XRCC4: variants seen among roughly 807,000 people sequenced by gnomAD.
XRCC4 encodes the protein X-ray repair cross complementing 4, also known as DNA repair protein XRCC4.
A neutral mutation model predicts 39.1 loss-of-function variants in XRCC4; 28 were observed. The ratio of observed to expected loss-of-function variants is 0.72; its 90% confidence interval spans 0.53 to 0.98. The LOEUF is 0.98. Ranked by LOEUF, XRCC4 falls within the 50% of genes least tolerant of loss-of-function variation. The pLI is 0.00. For missense variants in XRCC4, 350 were observed against 376.4 expected, an observed-to-expected ratio of 0.93 and a Z score of 0.58; for synonymous variants, 123 against 126.4, an observed-to-expected ratio of 0.97 and a Z score of 0.18.
chr5:83,243,858 G>C (rs577044711), intron 6 of XRCC4, among the ~76,000 whole-genome samples: 1 of 152,230 alleles, frequency 6.6e-6, no homozygotes, highest in African/African-American at 2.4e-5. Flanking sequence ...TAGGTTTGTT[G>C]ACCTACCCGG....
chr5:83,093,098 T>C (rs1490716657), intron 1 of XRCC4, among the ~76,000 whole-genome samples: 1 of 151,730 alleles, frequency 6.6e-6, no homozygotes, highest in Admixed American at 6.6e-5. Context: ...AGGACACATA[T>C]AGACTGAAAG....
chr5:83,135,247 A>C (rs1329997600), intron 3 of XRCC4, among the ~76,000 whole-genome samples: 1 of 152,124 alleles, frequency 6.6e-6, no homozygotes, highest in African/African-American at 2.4e-5. Flanking sequence ...AGTCCCAGTG[A>C]GATGTACCTG....
downstream of XRCC4, among the ~76,000 whole-genome samples, chr5:83,356,319 A>G (rs369910530): frequency 2.6e-5 from 4 of 152,196 alleles, no homozygotes; most frequent in Non-Finnish European, 4.4e-5. Flanking sequence ...ATATGTGTGT[A>G]TATGTGTCTA....
At chr5:83,215,421 C>T (rs1488980076) in intron 6 of XRCC4, among the ~76,000 whole-genome samples, 1 of 152,114 alleles carries the variant, frequency 6.6e-6, no homozygotes, top group East Asian at 1.9e-4. Context: ...ATCAAAATCC[C>T]AGCTGGTTTT....
At chr5:83,366,683 T>A in the XRCC4 span, among the ~76,000 whole-genome samples, 1 of 152,184 alleles carries the variant, frequency 6.6e-6, no homozygotes. Context: ...TACCCTGCCC[T>A]GTTTTCCCCT....
chr5:83,366,420 T>C, the XRCC4 span, among the ~76,000 whole-genome samples: 1 of 152,222 alleles, frequency 6.6e-6, no homozygotes, highest in African/African-American at 2.4e-5. Context: ...AAATTTTTTT[T>C]CTATCAACTT....
intron 7 of XRCC4, among the ~76,000 whole-genome samples, chr5:83,341,223 G>A (rs1475939259): frequency 2.0e-5 from 3 of 151,210 alleles, no homozygotes. Context: ...AACAGTTTAA[G>A]AGAATATTCA....
chr5:83,236,321 C>T (rs1752686037), intron 6 of XRCC4, among the ~76,000 whole-genome samples: 1 of 151,970 alleles, frequency 6.6e-6, no homozygotes, highest in Non-Finnish European at 1.5e-5. Context: ...AATTATACTA[C>T]AAAATTGTAG....
intron 3 of XRCC4, among the ~76,000 whole-genome samples, chr5:83,162,653 A>AT (rs1749270318): frequency 6.6e-6 from 1 of 152,010 alleles, no homozygotes. Context: ...CTTTTAATAT[A>AT]TTTTTTTCTA....
At position 83,335,349 on chromosome 5, in the gene XRCC4, TAAC is replaced by T. The variant is rs141600590; in HGVS notation, c.894-17776_894-17774del. Among the ~76,000 whole-genome samples the T allele has an allele frequency of 3.3e-3, 502 of 151,922 alleles. 14 individuals are homozygous for T. The East Asian group carries it at 0.075, about 23-fold the overall frequency. On this transcript the variant is annotated intron_variant, in intron 7 of 7. Transcript: ENST00000396027. ...TAGAATAATAATTACTTATAATTAT[TAAC>T]AACAAAGTATTTTTTACAAGTTATG...
intron 6 of XRCC4, among the ~76,000 whole-genome samples, chr5:83,232,665 CA>C (rs765045966): frequency 3.3e-5 from 5 of 151,992 alleles, no homozygotes; most frequent in African/African-American, 1.2e-4. Flanking sequence ...ATCTCTCTTC[CA>C]AAAAAATATC....
At chr5:83,202,619 A>ATG (rs1160409622) in intron 4 of XRCC4, among the ~76,000 whole-genome samples, 2 of 152,024 alleles carry the variant, frequency 1.3e-5, no homozygotes, top group South Asian at 2.1e-4. Flanking sequence ...ACTGGTATAT[A>ATG]TGTGTGTGTG....
At chr5:83,316,168 G>A (rs1270820604) in intron 7 of XRCC4, among the ~76,000 whole-genome samples, 2 of 152,020 alleles carry the variant, frequency 1.3e-5, no homozygotes, top group Non-Finnish European at 2.9e-5. Context: ...AGCAGCAGGA[G>A]AACTAGAATT....
At chr5:83,171,901 T>G in intron 3 of XRCC4, among the ~76,000 whole-genome samples, 1 of 152,208 alleles carries the variant, frequency 6.6e-6, no homozygotes, top group Admixed American at 6.6e-5. Context: ...ACTATTGATT[T>G]GAATAGTACT....
chr5:83,195,932 G>A lies in XRCC4; in HGVS notation c.478G>A (p.Gly160Arg). ...TCTGAGAGATTGGAATGATGTTCAA[G>A]GACGGTGTGTACACAGTTTGCTTGT... ...RLLRDWNDVQ[G>R]RFEKCVSAKE... Residue 160 changes from glycine (G) to arginine (R), a missense_variant, in exon 4 of 8, where the codon GGA (glycine) becomes AGA (arginine). By Grantham distance (125) the Gly-to-Arg change is moderately radical (BLOSUM62 -2). Coordinates refer to ENST00000396027, the MANE Select transcript of XRCC4 (RefSeq NM_003401.5). 2 of 1,606,864 alleles carry A rather than the reference G, an allele frequency of 1.2e-6. No individual in the cohort carries two copies. The highest frequency in any genetic ancestry group is 1.7e-6 in the Non-Finnish European group (2 of 1,176,418).
chr5:83,197,532 T>C (rs948090298), intron 4 of XRCC4, among the ~76,000 whole-genome samples: 1 of 152,044 alleles, frequency 6.6e-6, no homozygotes, highest in African/African-American at 2.4e-5. Context: ...ACCACTCCCA[T>C]AGAATTGAAA....
chr5:83,161,723 T>C (rs1015026107), intron 3 of XRCC4, among the ~76,000 whole-genome samples: 2 of 152,242 alleles, frequency 1.3e-5, no homozygotes, highest in African/African-American at 4.8e-5. Flanking sequence ...GTTCGTCTTG[T>C]TTATTAAAAG....
the XRCC4 span, among the ~76,000 whole-genome samples, chr5:83,368,590 G>A: frequency 6.6e-6 from 1 of 152,178 alleles, no homozygotes; most frequent in Non-Finnish European, 1.5e-5. Flanking sequence ...CAGCAGAAGG[G>A]AGTGGGCTCC....
intron 3 of XRCC4, among the ~76,000 whole-genome samples, chr5:83,129,507 G>A (rs1399549630): frequency 6.6e-5 from 10 of 151,854 alleles, no homozygotes; most frequent in Admixed American, 1.3e-4. Flanking sequence ...TTTCAATTCT[G>A]TGAAGAAAGT....
Sources: allele counts gnomAD v4.1 joint callset (sites outside exome capture counted in the v4.1 genomes callset), GRCh38; gene constraint gnomAD v4.1.1; transcripts MANE v1.5; gene names NCBI Gene and HGNC (gene_info 2026-07-23, HGNC 2026-07-21).